Variants in LRRFIP1 observed in about 807,000 individuals in gnomAD.
The protein encoded by LRRFIP1 is LRR binding FLII interacting protein 1, also known as leucine-rich repeat flightless-interacting protein 1.
In LRRFIP1, 62 loss-of-function variants were observed where a neutral mutation model predicts 104.4. That is an observed-to-expected ratio of 0.59 (90% CI 0.48 to 0.73). The LOEUF (loss-of-function observed/expected upper bound fraction) is 0.73, where lower values mean the gene tolerates loss of function less well. LRRFIP1 is among the 30% of genes least tolerant of loss of function. LRRFIP1 has a pLI of 0.00. For missense variants in LRRFIP1, 796 were observed against 824.5 expected (o/e 0.97, Z 0.42); for synonymous variants, 300 against 299.0 (o/e 1.00, Z -0.03).
intron 1 of LRRFIP1, among the ~76,000 whole-genome samples, chr2:237,646,008 T>C (rs1451024330): frequency 6.6e-6 from 1 of 151,944 alleles, no homozygotes; most frequent in Non-Finnish European, 1.5e-5. Context: ...CCGTGGGGAC[T>C]CTGGATAACA....
chr2:237,714,295 AT>A lies in LRRFIP1; in HGVS notation c.201+23del. On this transcript the variant is annotated intron_variant, in intron 3 of 23. Transcript: ENST00000308482. ...CCAAAAGGTAGGCTCTTCTTTCTTTATTTTCTAACTTGCATGTACTGTTTTT... is the reference window on the plus strand; with the variant it reads ...CCAAAAGGTAGGCTCTTCTTTCTTTATTTCTAACTTGCATGTACTGTTTTT... 1 of 1,592,076 alleles carries A rather than the reference AT, an allele frequency of 6.3e-7. No individual in the cohort carries two copies. Among genetic ancestry groups the A allele is most frequent in the Non-Finnish European group, 8.6e-7 (1 of 1,163,964 alleles).
In LRRFIP1 at chr2:237,735,362, C is replaced by A; in HGVS notation, c.555+29C>A. On this transcript the variant is annotated intron_variant, in intron 10 of 23. Coordinates refer to ENST00000308482, the MANE Select transcript of LRRFIP1 (RefSeq NM_001137550.2). The surrounding 1 kb of genome is among the most constrained non-coding windows in gnomAD (Gnocchi z 4.6). ...AGGCGCTTTCGGTGATACCTCCTTT[C>A]CCCCGTGCCTGCTGCATGGCCTGGG... 6.2e-7 allele frequency: 1 copy of A among 1,605,106 alleles called. No homozygotes were observed. Among genetic ancestry groups the A allele is most frequent in the Non-Finnish European group, 8.5e-7 (1 of 1,176,180 alleles).
At chr2:237,655,917 C>T (rs112256220) in intron 1 of LRRFIP1, among the ~76,000 whole-genome samples, 13 of 152,230 alleles carry the variant, frequency 8.5e-5, no homozygotes, top group African/African-American at 2.4e-4. Flanking sequence ...GGGTGGACAT[C>T]GCTTTCCAGT....
In LRRFIP1 at chr2:237,723,600, A is replaced by C; in HGVS notation, c.384+14A>C. 6.2e-7 allele frequency: 1 copy of C among 1,613,724 alleles called. No individual in the cohort carries two copies. The highest frequency in any genetic ancestry group is 1.6e-4 in the Middle Eastern group (1 of 6,062). Reference sequence around the variant, plus strand: ...CCTTACGCCTGGGTGAGATGGTCGGATATACTTTGCTGTGTGACCTTAACT... The same window carrying C: ...CCTTACGCCTGGGTGAGATGGTCGGCTATACTTTGCTGTGTGACCTTAACT... On this transcript the variant is annotated intron_variant, in intron 7 of 23. Coordinates refer to ENST00000308482, the MANE Select transcript of LRRFIP1 (RefSeq NM_001137550.2).
At chr2:237,665,980 A>C (rs2089149999) in intron 1 of LRRFIP1, among the ~76,000 whole-genome samples, 1 of 152,326 alleles carries the variant, frequency 6.6e-6, no homozygotes. Flanking sequence ...CCAGGAGCTC[A>C]CGGCCTTCCC....
In LRRFIP1 at chr2:237,661,021, T is replaced by C. The variant is rs1333364335; in HGVS notation, c.96+33281T>C. ...AGGCGAGATTATTGCTCAGCCTGGC[T>C]CCAGAGGCACGCAGTCCCTGTGCCC... On this transcript the variant is annotated intron_variant, in intron 1 of 23. Coordinates refer to ENST00000308482, the MANE Select transcript of LRRFIP1 (RefSeq NM_001137550.2). The surrounding 1 kb of genome is among the most constrained non-coding windows in gnomAD (Gnocchi z 4.4). Among the ~76,000 whole-genome samples the C allele has an allele frequency of 6.6e-6, 1 of 152,134 alleles. No homozygotes were observed. Among genetic ancestry groups the C allele is most frequent in the Non-Finnish European group, 1.5e-5 (1 of 68,024 alleles).
chr2:237,684,030 A>G (rs1410259422), intron 1 of LRRFIP1, among the ~76,000 whole-genome samples: 2 of 152,204 alleles, frequency 1.3e-5, no homozygotes, highest in African/African-American at 4.8e-5. Flanking sequence ...AGTAGCGTAA[A>G]GATTTATTTC....
chr2:237,710,584 C>T (rs1352005948), intron 2 of LRRFIP1, among the ~76,000 whole-genome samples: 1 of 152,078 alleles, frequency 6.6e-6, no homozygotes, highest in African/African-American at 2.4e-5. Context: ...ATCACACCGG[C>T]CCCATATTAG....
chr2:237,739,289 T>TCGGCCCGGGCCAGCC lies in LRRFIP1; in HGVS notation c.615_629dup (p.Ala206_Pro210dup). 1.9e-6 allele frequency: 3 copies of TCGGCCCGGGCCAGCC among 1,561,968 alleles called. No individual in the cohort carries two copies. The highest frequency in any genetic ancestry group is 2.6e-6 in the Non-Finnish European group (3 of 1,153,848). On this transcript the variant is annotated inframe_insertion, in exon 11 of 24. Transcript: ENST00000308482. ...CTCCCGCGCCTCCTCCAGGGCCAGC[T>TCGGCCCGGGCCAGCC]CGGCCCGGGCCAGCCCTGTGGTAAG...
At chr2:237,706,324 C>T (rs762961348) in intron 1 of LRRFIP1, among the ~76,000 whole-genome samples, 69 of 152,230 alleles carry the variant, frequency 4.5e-4, no homozygotes, top group Non-Finnish European at 3.5e-4. Context: ...CTCTTTCTTA[C>T]ATCTCACCCC....
intron 1 of LRRFIP1, among the ~76,000 whole-genome samples, chr2:237,657,999 G>T (rs1296613191): frequency 2.6e-5 from 4 of 152,186 alleles, no homozygotes; most frequent in Non-Finnish European, 5.9e-5. Context: ...AACTGGCAAT[G>T]AGCGTTATTT....
intron 10 of LRRFIP1, among the ~76,000 whole-genome samples, chr2:237,737,656 T>C (rs918709830): frequency 1.3e-5 from 2 of 152,336 alleles, no homozygotes; most frequent in South Asian, 2.1e-4. Context: ...TCCTCTCTCT[T>C]ACATCAGGAA....
intron 1 of LRRFIP1, among the ~76,000 whole-genome samples, chr2:237,682,592 T>G (rs1440728482): frequency 6.6e-6 from 1 of 152,218 alleles, no homozygotes; most frequent in Non-Finnish European, 1.5e-5. Context: ...CCCAGTTCTT[T>G]GATCTTCTCA....
At chr2:237,774,119 C>G in intron 22 of LRRFIP1, 1 of 482,068 alleles carries the variant, frequency 2.1e-6, no homozygotes, top group South Asian at 2.5e-5. Flanking sequence ...AGAAACCACC[C>G]TGGTGGACGG....
At chr2:237,727,757 C>T in intron 7 of LRRFIP1, 119 bp from the exon 8 acceptor site, 1 of 715,500 alleles carries the variant, frequency 1.4e-6, no homozygotes, top group Non-Finnish European at 2.4e-6. Flanking sequence ...CTGGACTGGT[C>T]ATTCATCCGC....
chr2:237,671,938 C>A (rs1003606367), intron 1 of LRRFIP1, among the ~76,000 whole-genome samples: 1 of 150,554 alleles, frequency 6.6e-6, no homozygotes, highest in African/African-American at 2.5e-5. Context: ...CGTCTGGCAA[C>A]ATCTTTTCTT....
chr2:237,640,536 TCACCCCCCAGGAC>T (rs1002178300), intron 1 of LRRFIP1, among the ~76,000 whole-genome samples: 1 of 152,008 alleles, frequency 6.6e-6, no homozygotes, highest in African/African-American at 2.4e-5. Context: ...CAGTCGTCCT[TCACCCCCCAGGAC>T]CACCCCCCAG....
In LRRFIP1 at chr2:237,735,214, G is replaced by A. The variant is rs1481896753; in HGVS notation, c.490-54G>A. The stretch of plus-strand genomic sequence containing the variant: ...CAGCTCACGTTTTCAGCACTTTCTG[G>A]GCACTCTTGGAGAAAGGAAGAGCGC... On this transcript the variant is annotated intron_variant, in intron 9 of 23. Coordinates refer to ENST00000308482, the MANE Select transcript of LRRFIP1 (RefSeq NM_001137550.2). The surrounding 1 kb of genome is among the most constrained non-coding windows in gnomAD (Gnocchi z 4.6). The A allele has an allele frequency of 3.4e-6, 5 of 1,479,502 alleles. No individual in the cohort carries two copies. The Admixed American group carries it at 9.4e-5, about 28-fold the overall frequency. 91.6% of individuals were successfully genotyped at this position (1,479,502 alleles called of 1,614,324 possible). A position where few individuals can be genotyped will look rare whatever the true frequency, so the allele number is the denominator to read the frequency against.
intron 1 of LRRFIP1, among the ~76,000 whole-genome samples, chr2:237,636,045 T>C (rs968988569): frequency 1.3e-5 from 2 of 148,446 alleles, no homozygotes; most frequent in Admixed American, 6.8e-5. Flanking sequence ...TGCAGTGAGC[T>C]GAGATCACAC....
Sources: gnomAD v4.1 joint callset for allele counts (sites outside exome capture counted in the v4.1 genomes callset) on GRCh38, gnomAD v4.1.1 for gene constraint, Gnocchi (gnomAD v3.1) non-coding constraint, MANE v1.5 for transcripts, NCBI Gene and HGNC (gene_info 2026-07-23, HGNC 2026-07-21) for gene names.